CPSF1: variants seen among roughly 807,000 people sequenced by gnomAD.
CPSF1 encodes cleavage and polyadenylation specific factor 1.
In CPSF1, 106 loss-of-function variants were observed where a neutral mutation model predicts 175.8. The ratio of observed to expected loss-of-function variants is 0.60; its 90% CI spans 0.52 to 0.71. The LOEUF (loss-of-function observed/expected upper bound fraction) is 0.71. Ranked by LOEUF, CPSF1 falls within the 30% of genes least tolerant of loss-of-function variation. CPSF1 has a pLI of 0.00. For synonymous variants in CPSF1, 1,024 were observed against 858.3 expected (o/e 1.19, Z -3.37); for missense variants, 1,734 against 2,022.9 (o/e 0.86, Z 2.74).
intron 5 of CPSF1, 61 bp downstream of exon 5, chr8:144,401,150 G>C: frequency 6.4e-7 from 1 of 1,572,668 alleles, no homozygotes; most frequent in Non-Finnish European, 8.6e-7. Context: ...ACAGAACCCA[G>C]CTGCAGGGGG....
At chr8:144,400,848 AGGGGAGGC>A in intron 6 of CPSF1, 31 bp from the exon 7 acceptor site, 1 of 1,610,882 alleles carries the variant, frequency 6.2e-7, no homozygotes, top group South Asian at 1.1e-5. Context: ...GCAGGAGAGG[AGGGGAGGC>A]GGGGAGGGGA....
Position 144,393,352 on chromosome 8 carries a change from A to G in CPSF1, c.4298T>C (p.Leu1433Ser). The change falls in exon 38 of 38, where the codon TTG becomes TCG. Residue 1433 changes from leucine to serine, a missense_variant. Coordinates refer to ENST00000616140, the MANE Select transcript of CPSF1 (RefSeq NM_013291.3). ...GTTPDIILDD[L>S]LETDRVTAHF Reference sequence around the variant, plus strand: ...GGCGGTGACGCGGTCCGTCTCCAGCAAGTCGTCCAGGATCTGCAGGGGATG... The same window carrying G: ...GGCGGTGACGCGGTCCGTCTCCAGCGAGTCGTCCAGGATCTGCAGGGGATG... 1 of 1,397,710 alleles carries G rather than the reference A, an allele frequency of 7.2e-7. No individual in the cohort carries two copies. Among genetic ancestry groups the G allele is most frequent in the East Asian group, 3.1e-5 (1 of 32,324 alleles). 86.6% of individuals were successfully genotyped at this position (1,397,710 alleles called of 1,614,324 possible).
Position 144,400,660 on chromosome 8 carries a change from A to T in CPSF1, c.686+11T>A, listed in dbSNP as rs1554866430. 2.1e-5 allele frequency: 34 copies of T among 1,602,464 alleles called. No individual in the cohort carries two copies. Among genetic ancestry groups the T allele is most frequent in the Non-Finnish European group, 2.6e-5 (31 of 1,174,684 alleles). ...GCCCACAGTGCAGAGGGGCCTCCTT[A>T]GGGGGCTCACCCAGGCCAGGTCTGG... On this transcript the variant is annotated intron_variant, in intron 7 of 37. Transcript: ENST00000616140.
rs367644143 is a variant in CPSF1 at position 144,393,890 on chromosome 8, C to T, written c.4008G>A (p.Thr1336=). 8.3e-5 allele frequency: 133 copies of T among 1,611,040 alleles called. 1 individual carries two copies. In the Middle Eastern group the frequency reaches 2.3e-3, roughly 28 times the overall value. ...KSVVWENKHI[T]WFATLDGGIG... is the part of the protein sequence containing the mutation. ...CTGCTCCCCCACACTCACCAAACCACGTGATGTGCTTATTCTCCCACACGA... is the reference window on the plus strand; with the variant it reads ...CTGCTCCCCCACACTCACCAAACCATGTGATGTGCTTATTCTCCCACACGA... The change falls in exon 35 of 38, where the codon ACG becomes ACA. Residue 1336 remains threonine (T), a synonymous_variant. Transcript: ENST00000616140.
intron 2 of CPSF1, among the ~76,000 whole-genome samples, chr8:144,402,667 A>C (rs2116892324): frequency 2.0e-5 from 3 of 152,280 alleles, no homozygotes; most frequent in Admixed American, 6.5e-5. Flanking sequence ...GATACAGAAG[A>C]AGCATCCACA....
chr8:144,400,354 C>G lies in CPSF1; in HGVS notation c.826G>C (p.Gly276Arg). The G allele has an allele frequency of 6.2e-7, 1 of 1,613,896 alleles. No homozygotes were observed. The highest frequency in any genetic ancestry group is 8.5e-7 in the Non-Finnish European group (1 of 1,179,960). ...CCCTATCCACTCCCAGGACACACAC[C>G]TATGGGCTTGGGCACAGCCAGAGCC... ...TQALAVPKPI[G>R]GVVVFAVNSL... Residue 276 changes from glycine (G) to arginine (R), a missense_variant and splice_region_variant, in exon 8 of 38, where the codon GGT becomes CGT. Gly to Arg is a moderately radical substitution (Grantham distance 125). Transcript: ENST00000616140.
At chr8:144,403,425 C>T (rs1451172833) in intron 2 of CPSF1, among the ~76,000 whole-genome samples, 1 of 152,018 alleles carries the variant, frequency 6.6e-6, no homozygotes, top group Non-Finnish European at 1.5e-5. Flanking sequence ...TCACTGTCTC[C>T]CAGGTTGGAG....
At chr8:144,400,135 G>GGGGGCC in intron 9 of CPSF1, 31 bp downstream of exon 9, 14 of 895,894 alleles carry the variant, frequency 1.6e-5, no homozygotes, top group Non-Finnish European at 2.1e-5. Context: ...CCGTCCCCGG[G>GGGGGCC]CCCCCCCCGC....
chr8:144,401,184 T>TGGGCGG (rs2116882309), intron 5 of CPSF1, 27 bp downstream of exon 5: 20 of 712,556 alleles, frequency 2.8e-5, no homozygotes, highest in East Asian at 7.3e-5. Context: ...GGGCGGGGCC[T>TGGGCGG]GGGCGGGGGC....
Position 144,400,146 on chromosome 8 carries a change from C to CT in CPSF1, c.937+19_937+20insA. 2 of 1,387,298 alleles carry CT rather than the reference C, an allele frequency of 1.4e-6. No homozygotes were observed. Among genetic ancestry groups the CT allele is most frequent in the Non-Finnish European group, 2.0e-6 (2 of 1,021,310 alleles). The allele number at this position is 1,387,298 out of a possible 1,614,324, so 85.9% of individuals were successfully genotyped here. On this transcript the variant is annotated intron_variant, in intron 9 of 37. Coordinates refer to ENST00000616140, the MANE Select transcript of CPSF1 (RefSeq NM_013291.3). ...CAAGCCGTCCCCGGGCCCCCCCCGC[C>CT]CCAGCCACCCCACACTCACGAAGCG...
intron 26 of CPSF1, 131 bp from the exon 27 acceptor site, chr8:144,395,682 T>G: frequency 1.4e-6 from 1 of 733,072 alleles, no homozygotes; most frequent in Non-Finnish European, 2.3e-6. Flanking sequence ...GGGGCAGCTG[T>G]GTCCTGGCGA....
rs1385911297 is a variant in CPSF1, at chr8:144,393,500, G to C, written c.4236C>G (p.Thr1412=). The change falls in exon 37 of 38, where the codon ACC becomes ACG. Residue 1412 remains threonine (T), a synonymous_variant. Transcript: ENST00000616140. ...ELLNRYLYLS[T]MERSELAKKI... ...TCTTGGCTAGCTCGCTGCGCTCCAT[G>C]GTGCTCAGGTACAGGTAGCGGTTGA... 1 of 1,583,610 alleles carries C rather than the reference G, an allele frequency of 6.3e-7. No individual in the cohort carries two copies. The highest frequency in any genetic ancestry group is 8.6e-7 in the Non-Finnish European group (1 of 1,166,900).
chr8:144,401,117 C>A lies in CPSF1; in HGVS notation c.388-42G>T, dbSNP rs1321475370. On this transcript the variant is annotated intron_variant, in intron 5 of 37. Transcript: ENST00000616140. ...CATCAGCCAGGCCCAGCATAGGAGA[C>A]CCCGAGGGAAACACTTGGGGCCACA... 6.2e-6 allele frequency: 10 copies of A among 1,604,338 alleles called. No individual in the cohort carries two copies. In the Admixed American group the frequency reaches 1.0e-4, roughly 16 times the overall value.
In CPSF1 at chr8:144,398,005, G is replaced by C. The variant is rs148200138; in HGVS notation, c.2022C>G (p.Ser674=). 472 of 1,611,892 alleles carry C rather than the reference G, an allele frequency of 2.9e-4. 2 individuals are homozygous for C. The African/African-American group carries it at 4.9e-3, about 17-fold the overall frequency. The part of the protein sequence containing the change: ...HVTMFLLKSD[S]YGGRHHRLAL... ...CCAGGCGGTGGTGGCGGCCACCGTA[G>C]GAGTCACTCTTCAGCAGGAACATGG... is the stretch of plus-strand genomic sequence containing the variant. The change falls in exon 20 of 38, where the codon TCC becomes TCG. Residue 674 remains serine (S), a synonymous_variant. Transcript: ENST00000616140.
chr8:144,397,645 C>T lies in CPSF1; in HGVS notation c.2227G>A (p.Glu743Lys), dbSNP rs1230158853. ...GAATCCCCATACAGCATCTCCTCCT[C>T]GTCATCCACTGTGGGGCTGGGGGCC... ...GSETSPTVDD[E>K]EEMLYGDSGS... The change falls in exon 22 of 38, where the codon GAG becomes AAG. Residue 743 changes from glutamate to lysine, a missense_variant. Transcript: ENST00000616140. 1.3e-6 allele frequency: 2 copies of T among 1,533,342 alleles called. No individual in the cohort carries two copies. Among genetic ancestry groups the T allele is most frequent in the Non-Finnish European group, 1.8e-6 (2 of 1,137,124 alleles). 95.0% of individuals were successfully genotyped at this position (1,533,342 alleles called of 1,614,324 possible). A position where few individuals can be genotyped will look rare whatever the true frequency, so the allele number is the denominator to read the frequency against.
chr8:144,398,711 AC>A, intron 17 of CPSF1, 67 bp downstream of exon 17: 1 of 1,595,994 alleles, frequency 6.3e-7, no homozygotes. Context: ...CGACCTGGGC[AC>A]CCCCGGCCTA....
chr8:144,397,567 G>C lies in CPSF1; in HGVS notation c.2305C>G (p.Pro769Ala). 1 of 1,545,722 alleles carries C rather than the reference G, an allele frequency of 6.5e-7. No homozygotes were observed. The highest frequency in any genetic ancestry group is 8.8e-7 in the Non-Finnish European group (1 of 1,140,844). ...KEEARRSSQP[P>A]ADRDPAPFRA... ...AAGGGTGCAGGGTCCCGGTCAGCAG[G>C]GGGCTGGCTGCTTCTTCGGGCCTCC... The change falls in exon 22 of 38, where the codon CCT becomes GCT. Residue 769 changes from proline to alanine, a missense_variant. Physicochemically the swap from Pro to Ala is conservative, Grantham distance 27. This residue lies in a region of CPSF1 where 585 missense variants were observed against 584.7 expected (regional missense o/e 1.00). Coordinates refer to ENST00000616140, the MANE Select transcript of CPSF1 (RefSeq NM_013291.3).
Position 144,393,807 on chromosome 8 carries a change from T to C in CPSF1, c.4016-11A>G, listed in dbSNP as rs377490982. 1 of 1,599,616 alleles carries C rather than the reference T, an allele frequency of 6.3e-7. No individual in the cohort carries two copies. The highest frequency in any genetic ancestry group is 1.3e-5 in the African/African-American group (1 of 74,764). ...CGCCGTCCAGGGTGGCTGGCAGGGGTAGGGTGAGGGTTTTGGTGTGAGCCA... is the reference window on the plus strand; with the variant it reads ...CGCCGTCCAGGGTGGCTGGCAGGGGCAGGGTGAGGGTTTTGGTGTGAGCCA... On this transcript the variant is annotated splice_polypyrimidine_tract_variant and intron_variant, in intron 35 of 37. Transcript: ENST00000616140.
In CPSF1 at chr8:144,400,048, G is replaced by C; in HGVS notation, c.975C>G (p.Ala325=). The change falls in exon 10 of 38, where the codon GCC becomes GCG. Residue 325 remains alanine, a synonymous_variant. Transcript: ENST00000616140. ...TGTCGTAGGAGATGAAGGTGGCCTGGGCGCAGTCCAGGGTGATCCGCACAC... is the reference window on the plus strand; with the variant it reads ...TGTCGTAGGAGATGAAGGTGGCCTGCGCGCAGTCCAGGGTGATCCGCACAC... ...QEGVRITLDC[A]QATFISYDKM... 6.2e-7 allele frequency: 1 copy of C among 1,612,194 alleles called. No individual in the cohort carries two copies. The highest frequency in any genetic ancestry group is 8.5e-7 in the Non-Finnish European group (1 of 1,179,882).
Sources: gnomAD v4.1 joint callset for allele counts (sites outside exome capture counted in the v4.1 genomes callset) on GRCh38, gnomAD v4.1.1 for gene constraint, gnomAD v4.1.1 regional missense constraint, MANE v1.5 for transcripts, NCBI Gene and HGNC (gene_info 2026-07-23, HGNC 2026-07-21) for gene names.